Variants in MAP3K1 observed in about 807,000 individuals in gnomAD.
The protein encoded by MAP3K1 is MAP/ERK kinase kinase 1.
MAP3K1 carries 36 observed loss-of-function variants against 144.2 expected under a neutral mutation model. The observed-to-expected ratio is 0.25, with a 90% CI of 0.19 to 0.33. The LOEUF is 0.33. Ranked by LOEUF, MAP3K1 falls within the 10% of genes least tolerant of loss-of-function variation. The probability of loss-of-function intolerance (pLI) is 1.00; values close to 1 mark genes in which losing one functional copy is unlikely to be tolerated. For missense variants in MAP3K1, 1,650 were observed against 1,881.9 expected (o/e 0.88, Z 2.28); for synonymous variants, 718 against 688.7 (o/e 1.04, Z -0.67).
chr5:56,882,013 C>G lies in MAP3K1; in HGVS notation c.2813C>G (p.Pro938Arg). 1 of 1,553,364 alleles carries G rather than the reference C, an allele frequency of 6.4e-7. No homozygotes were observed. Among genetic ancestry groups the G allele is most frequent in the Non-Finnish European group, 8.7e-7 (1 of 1,152,340 alleles). Reference sequence around the variant, plus strand: ...AGACTGGCCAGCATTTCAGTAGGACCTTCTAGTTCAACAACAACAACAACA... The same window carrying G: ...AGACTGGCCAGCATTTCAGTAGGACGTTCTAGTTCAACAACAACAACAACA... ...SERLASISVGPSSSTTTTTTT... is the reference protein window; with the variant it reads ...SERLASISVGRSSSTTTTTTT... The change falls in exon 14 of 20, where the codon CCT (proline) becomes CGT (arginine). Residue 938 changes from proline to arginine, a missense_variant. Pro to Arg is a moderately radical substitution (Grantham distance 103). Around this residue, in one of 6 missense-constraint regions of MAP3K1, gnomAD observed 841 missense variants for 886.5 expected, o/e 0.95. Coordinates refer to ENST00000399503, the MANE Select transcript of MAP3K1 (RefSeq NM_005921.2).
At chr5:56,821,046 C>A (rs139765846) in intron 1 of MAP3K1, among the ~76,000 whole-genome samples, 275 of 152,150 alleles carry the variant, frequency 1.8e-3, no homozygotes, top group African/African-American at 6.4e-3. Context: ...TTCTGAAATT[C>A]TGTCTTTATT....
intron 6 of MAP3K1, among the ~76,000 whole-genome samples, chr5:56,868,300 A>T (rs1747738672): frequency 6.6e-6 from 1 of 152,160 alleles, no homozygotes; most frequent in Non-Finnish European, 1.5e-5. Flanking sequence ...CTATACTTGT[A>T]ATTTTGCTTC....
chr5:56,863,032 A>G (rs1359087385), intron 3 of MAP3K1, among the ~76,000 whole-genome samples: 1 of 152,224 alleles, frequency 6.6e-6, no homozygotes, highest in Non-Finnish European at 1.5e-5. Context: ...AATGAAACCA[A>G]CCTTTAGCCA....
At chr5:56,825,909 G>T (rs1746297085) in intron 1 of MAP3K1, among the ~76,000 whole-genome samples, 1 of 151,538 alleles carries the variant, frequency 6.6e-6, no homozygotes, top group South Asian at 2.1e-4. Flanking sequence ...CCTCAGAATG[G>T]TCTGCTCCCG....
chr5:56,870,900 T>A (rs1747830421), intron 6 of MAP3K1, among the ~76,000 whole-genome samples: 1 of 152,182 alleles, frequency 6.6e-6, no homozygotes, highest in African/African-American at 2.4e-5. Context: ...TTTTAAGAAA[T>A]ACTAACAAAA....
intron 3 of MAP3K1, among the ~76,000 whole-genome samples, chr5:56,860,833 A>C (rs1747485767): frequency 6.6e-6 from 1 of 151,950 alleles, no homozygotes; most frequent in Non-Finnish European, 1.5e-5. Context: ...AGCCTGGGCG[A>C]CAACAGCGAA....
intron 3 of MAP3K1, among the ~76,000 whole-genome samples, chr5:56,863,107 G>A (rs1277885268): frequency 6.6e-6 from 1 of 152,172 alleles, no homozygotes; most frequent in Non-Finnish European, 1.5e-5. Context: ...CCATGCCCAA[G>A]TAAGGCAAAC....
chr5:56,848,215 A>G (rs1397850423), intron 1 of MAP3K1, among the ~76,000 whole-genome samples: 1 of 152,168 alleles, frequency 6.6e-6, no homozygotes, highest in Non-Finnish European at 1.5e-5. Context: ...GATGATTGTT[A>G]CAAATTTACT....
At position 56,874,233 on chromosome 5, in the gene MAP3K1, C is replaced by T. The variant is rs1275963262; in HGVS notation, c.1687-799C>T. Reference sequence around the variant, plus strand: ...CTGTTTTTCAAAAGTTGTGTTTATTCATCTTTAATATTTAGGCATTTTTCA... The same window carrying T: ...CTGTTTTTCAAAAGTTGTGTTTATTTATCTTTAATATTTAGGCATTTTTCA... On this transcript the variant is annotated intron_variant, in intron 9 of 19. Transcript: ENST00000399503. 2.0e-5 allele frequency among the ~76,000 whole-genome samples: 3 copies of T among 152,044 alleles called. No individual in the cohort carries two copies. In the East Asian group the frequency reaches 5.8e-4, roughly 29 times the overall value.
Position 56,872,932 on chromosome 5 carries a change from A to G in MAP3K1, c.1613A>G (p.Asn538Ser), listed in dbSNP as rs374113323. ...LAGSRRNQESNFNLTHYGTQQ... is the reference protein window; with the variant it reads ...LAGSRRNQESSFNLTHYGTQQ... ...GGATCACGAAGGAATCAAGAGAGCA[A>G]TTTTAACCTTACTCATTATGGAACT... The change falls in exon 9 of 20, where the codon AAT becomes AGT. Residue 538 changes from asparagine (N) to serine (S), a missense_variant. By Grantham distance (46) the Asn-to-Ser change is conservative. Coordinates refer to ENST00000399503, the MANE Select transcript of MAP3K1 (RefSeq NM_005921.2). 3 of 1,614,004 alleles carry G rather than the reference A, an allele frequency of 1.9e-6. No individual in the cohort carries two copies. Among genetic ancestry groups the G allele is most frequent in the African/African-American group, 2.7e-5 (2 of 74,926 alleles).
chr5:56,833,974 A>T (rs2111791001), intron 1 of MAP3K1, among the ~76,000 whole-genome samples: 1 of 152,254 alleles, frequency 6.6e-6, no homozygotes, highest in South Asian at 2.1e-4. Flanking sequence ...GAGCTTAGTG[A>T]CTGAGAGAAT....
Position 56,831,372 on chromosome 5 carries a change from G to A in MAP3K1, c.482+15317G>A, listed in dbSNP as rs145165435. Among the ~76,000 whole-genome samples, 273 of 152,156 alleles carry A rather than the reference G, an allele frequency of 1.8e-3. 1 individual carries two copies. The highest frequency in any genetic ancestry group is 3.4e-3 in the Non-Finnish European group (231 of 67,996). On this transcript the variant is annotated intron_variant, in intron 1 of 19. Coordinates refer to ENST00000399503, the MANE Select transcript of MAP3K1 (RefSeq NM_005921.2). ...AAAAGGGAAGGTGGCAGAATCCATCGCAAACCAGTGAACTCCAAAACCTAA... is the reference window on the plus strand; with the variant it reads ...AAAAGGGAAGGTGGCAGAATCCATCACAAACCAGTGAACTCCAAAACCTAA...
At chr5:56,824,251 T>G (rs1463345374) in intron 1 of MAP3K1, among the ~76,000 whole-genome samples, 2 of 152,210 alleles carry the variant, frequency 1.3e-5, no homozygotes, top group Non-Finnish European at 2.9e-5. Flanking sequence ...CACTAAGAAG[T>G]AAGAAAAAAT....
intron 9 of MAP3K1, among the ~76,000 whole-genome samples, chr5:56,874,650 C>G (rs1249842668): frequency 6.6e-6 from 1 of 152,108 alleles, no homozygotes; most frequent in African/African-American, 2.4e-5. Flanking sequence ...TTTTCTTAAT[C>G]TTGCTCCAGT....
intron 1 of MAP3K1, among the ~76,000 whole-genome samples, chr5:56,834,830 A>G (rs776438758): frequency 1.3e-5 from 2 of 152,060 alleles, no homozygotes; most frequent in Non-Finnish European, 2.9e-5. Flanking sequence ...CCTGAAAATG[A>G]TTTTGTTGTG....
chr5:56,887,300 AT>A, intron 17 of MAP3K1, 77 bp from the exon 18 acceptor site: 1 of 1,339,880 alleles, frequency 7.5e-7, no homozygotes, highest in South Asian at 1.2e-5. Context: ...GTCCTAGTTC[AT>A]TAGTATTGTA....
At chr5:56,841,216 A>AAT (rs1746804787) in intron 1 of MAP3K1, among the ~76,000 whole-genome samples, 1 of 151,090 alleles carries the variant, frequency 6.6e-6, no homozygotes. Context: ...AAAAAAAAAA[A>AAT]CTAGACAGGT....
chr5:56,879,479 A>G (rs981913591), intron 11 of MAP3K1, among the ~76,000 whole-genome samples: 12 of 152,218 alleles, frequency 7.9e-5, no homozygotes, highest in African/African-American at 2.7e-4. Flanking sequence ...TTACACCTGC[A>G]TATGCCTTAT....
intron 19 of MAP3K1, among the ~76,000 whole-genome samples, chr5:56,891,563 T>C (rs60302071): frequency 0.032 from 4,898 of 152,300 alleles, 252 homozygotes; most frequent in African/African-American, 0.11. Flanking sequence ...TTTGTCAATT[T>C]TGGCTTTTGT....
Sources: allele counts gnomAD v4.1 joint callset (sites outside exome capture counted in the v4.1 genomes callset), GRCh38; gene constraint gnomAD v4.1.1; regional missense constraint gnomAD v4.1.1; transcripts MANE v1.5; gene names NCBI Gene and HGNC (gene_info 2026-07-23, HGNC 2026-07-21).